The following AIM2 variants were observed in gnomAD, a reference collection of about 807,000 sequenced individuals.
AIM2 encodes the protein absent in melanoma 2, also known as interferon-inducible protein AIM2.
Under a neutral mutation model 27.7 loss-of-function variants are expected in AIM2, and 30 were observed. The ratio of observed to expected loss-of-function variants is 1.08; its 90% CI spans 0.81 to 1.47. The LOEUF (loss-of-function observed/expected upper bound fraction) is 1.47. Among genes scored for constraint, AIM2 ranks in the 40% most tolerant of loss-of-function variants. The pLI is 0.00. For synonymous variants in AIM2, 141 were observed against 145.3 expected (o/e 0.97, Z 0.21); for missense variants, 358 against 411.3 (o/e 0.87, Z 1.12).
chr1:159,099,006 ATTT>A (rs5778107), intron 1 of AIM2, among the ~76,000 whole-genome samples: 3 of 147,780 alleles, frequency 2.0e-5, no homozygotes, highest in Non-Finnish European at 4.5e-5. Context: ...TGGTTGTGTG[ATTT>A]TTTTTTTTTT....
chr1:159,113,712 C>A (rs568921225), intron 1 of AIM2, among the ~76,000 whole-genome samples: 112 of 152,318 alleles, frequency 7.4e-4, no homozygotes, highest in Admixed American at 3.3e-3. Flanking sequence ...ACAGGCCTTA[C>A]CTCACTGGAA....
chr1:159,136,866 T>C (rs948609558), intron 1 of AIM2, among the ~76,000 whole-genome samples: 9 of 152,316 alleles, frequency 5.9e-5, no homozygotes, highest in African/African-American at 2.2e-4. Context: ...TCTCCAGAGA[T>C]GATAAATCAC....
chr1:159,059,747 G>A (rs774475025), downstream of AIM2, among the ~76,000 whole-genome samples: 1 of 152,014 alleles, frequency 6.6e-6, no homozygotes, highest in Non-Finnish European at 1.5e-5. Context: ...CCTTTGAACT[G>A]TACTTCCTAA....
chr1:159,073,568 A>T, intron 1 of AIM2, 49 bp from the exon 2 acceptor site: 1 of 1,509,050 alleles, frequency 6.6e-7, no homozygotes. Context: ...AAGTGATTCT[A>T]CATTCAAAAT....
intron 1 of AIM2, among the ~76,000 whole-genome samples, chr1:159,135,770 A>T (rs1648001219): frequency 6.6e-6 from 1 of 152,226 alleles, no homozygotes; most frequent in African/African-American, 2.4e-5. Flanking sequence ...TGATTGCCAG[A>T]AGATGCTCCC....
At chr1:159,093,903 T>A (rs1234590544) in intron 1 of AIM2, among the ~76,000 whole-genome samples, 1 of 148,104 alleles carries the variant, frequency 6.8e-6, no homozygotes, top group Non-Finnish European at 1.5e-5. Flanking sequence ...GCCTGGATAT[T>A]TTTTTTTTTT....
chr1:159,062,619 A>C lies in AIM2; in HGVS notation c.*73T>G. On this transcript the variant is annotated 3_prime_UTR_variant, in exon 6 of 6. Coordinates refer to ENST00000368130, the MANE Select transcript of AIM2 (RefSeq NM_004833.3). ...TTCAGGTAACTTACAATCTGATTGA[A>C]GAGGCTGTATCACATATTCTTCAAT... The C allele has an allele frequency of 1.4e-6, 2 of 1,414,488 alleles. No individual in the cohort carries two copies. The highest frequency in any genetic ancestry group is 2.0e-6 in the Non-Finnish European group (2 of 1,005,732). The allele number at this position is 1,414,488 out of a possible 1,614,324, so 87.6% of individuals were successfully genotyped here. A position where few individuals can be genotyped will look rare whatever the true frequency, so the allele number is the denominator to read the frequency against.
downstream of AIM2, among the ~76,000 whole-genome samples, chr1:159,058,209 C>T (rs1004981640): frequency 5.6e-4 from 85 of 152,136 alleles, no homozygotes; most frequent in African/African-American, 1.8e-3. Context: ...ATTAGCCAGG[C>T]GTGGTGGTGC....
downstream of AIM2, among the ~76,000 whole-genome samples, chr1:159,061,008 G>T (rs115706234): frequency 1.8e-3 from 268 of 152,210 alleles, 1 homozygote; most frequent in African/African-American, 5.6e-3. Flanking sequence ...CCAGCAATAA[G>T]TAAGAGTTTC....
chr1:159,128,842 A>T (rs1240515873), intron 1 of AIM2, among the ~76,000 whole-genome samples: 1 of 151,938 alleles, frequency 6.6e-6, no homozygotes, highest in Non-Finnish European at 1.5e-5. Context: ...AGATTTCTTC[A>T]CTCCCCTTAT....
At chr1:159,132,069 C>G (rs1475224879) in intron 1 of AIM2, among the ~76,000 whole-genome samples, 1 of 151,846 alleles carries the variant, frequency 6.6e-6, no homozygotes, top group African/African-American at 2.4e-5. Context: ...ACTGACTTGC[C>G]AGGCGTGGTG....
At chr1:159,101,614 T>C (rs1323204590) in intron 1 of AIM2, among the ~76,000 whole-genome samples, 1 of 152,212 alleles carries the variant, frequency 6.6e-6, no homozygotes, top group African/African-American at 2.4e-5. Context: ...ACTTGTTGAA[T>C]GGTTTTGACC....
rs576881559 is a variant in AIM2, at chr1:159,116,907, C to T, written c.-16+23524G>A. On this transcript the variant is annotated intron_variant, in intron 1 of 2. Coordinates refer to the AIM2 transcript ENST00000368129. ...CTGTATTAAGGTCCCCTGAATGCTA[C>T]AGGGAGAAAATTCAAGAAGGAAAAG... 3.3e-5 allele frequency among the ~76,000 whole-genome samples: 5 copies of T among 150,340 alleles called. No individual in the cohort carries two copies. The East Asian group carries it at 9.8e-4, about 29-fold the overall frequency.
At chr1:159,058,576 T>C (rs999847702), downstream of AIM2, among the ~76,000 whole-genome samples, 1 of 151,860 alleles carries the variant, frequency 6.6e-6, no homozygotes, top group African/African-American at 2.4e-5. Flanking sequence ...TCCCAACCCC[T>C]GGAAGCGACA....
intron 1 of AIM2, among the ~76,000 whole-genome samples, chr1:159,091,845 C>T (rs188813751): frequency 2.0e-4 from 31 of 152,304 alleles, no homozygotes; most frequent in Admixed American, 1.6e-3. Flanking sequence ...GCTTAAACTG[C>T]TGTCACCTAT....
At chr1:159,146,662 A>G (rs1180927279) in intron 1 of AIM2, among the ~76,000 whole-genome samples, 1 of 152,094 alleles carries the variant, frequency 6.6e-6, no homozygotes, top group Non-Finnish European at 1.5e-5. Context: ...CATCTACACC[A>G]AACACATTGG....
At chr1:159,087,471 C>T (rs1481240603) in intron 1 of AIM2, among the ~76,000 whole-genome samples, 1 of 152,030 alleles carries the variant, frequency 6.6e-6, no homozygotes, top group African/African-American at 2.4e-5. Context: ...TTATAGCCCA[C>T]CATTTATATT....
intron 1 of AIM2, among the ~76,000 whole-genome samples, chr1:159,137,590 G>C (rs1036044055): frequency 2.0e-5 from 3 of 152,214 alleles, no homozygotes; most frequent in Non-Finnish European, 4.4e-5. Context: ...CCAGGAGGTG[G>C]AGGTTGCAGT....
chr1:159,110,845 C>T (rs1334591194), intron 1 of AIM2, among the ~76,000 whole-genome samples: 2 of 152,162 alleles, frequency 1.3e-5, no homozygotes, highest in African/African-American at 2.4e-5. Context: ...ACATTCCTCT[C>T]TTTTGTACAT....
Sources: allele counts gnomAD v4.1 joint callset (sites outside exome capture counted in the v4.1 genomes callset), GRCh38; gene constraint gnomAD v4.1.1; transcripts MANE v1.5; gene names NCBI Gene and HGNC (gene_info 2026-07-23, HGNC 2026-07-21).